The following LONP2 variants were observed in gnomAD, a reference collection of about 807,000 sequenced individuals.
LONP2 encodes lon protease homolog 2, peroxisomal.
Under a neutral mutation model 85.6 loss-of-function variants are expected in LONP2, and 60 were observed. The observed-to-expected ratio is 0.70, with a 90% CI of 0.57 to 0.87. LONP2 has a LOEUF of 0.87. LONP2 is among the 40% of genes least tolerant of loss of function. LONP2 has a pLI of 0.00. For missense variants in LONP2, 860 were observed against 1,063.5 expected, an observed-to-expected ratio of 0.81 and a Z score of 2.66; for synonymous variants, 395 against 389.7, an observed-to-expected ratio of 1.01 and a Z score of -0.16.
intron 8 of LONP2, among the ~76,000 whole-genome samples, chr16:48,290,833 C>A (rs887310223): frequency 6.6e-6 from 1 of 152,156 alleles, no homozygotes; most frequent in African/African-American, 2.4e-5. Context: ...ACTCTTAGCT[C>A]TTCTCCCCTC....
chr16:48,308,913 A>G (rs1276778928), intron 11 of LONP2, among the ~76,000 whole-genome samples: 1 of 152,190 alleles, frequency 6.6e-6, no homozygotes, highest in Non-Finnish European at 1.5e-5. Context: ...CAAAAGACCA[A>G]TACCCAGAAT....
intron 8 of LONP2, among the ~76,000 whole-genome samples, chr16:48,285,745 T>C (rs1315210065): frequency 6.6e-6 from 1 of 152,194 alleles, no homozygotes; most frequent in African/African-American, 2.4e-5. Flanking sequence ...TTCTCATACT[T>C]TCCTGTAATT....
intron 8 of LONP2, among the ~76,000 whole-genome samples, chr16:48,295,367 G>A (rs745884083): frequency 3.3e-5 from 5 of 152,106 alleles, no homozygotes; most frequent in Admixed American, 2.0e-4. Context: ...GTAAGACTCT[G>A]TCTCAAGAAA....
intron 8 of LONP2, among the ~76,000 whole-genome samples, chr16:48,280,823 A>G (rs1316212024): frequency 6.6e-6 from 1 of 152,238 alleles, no homozygotes; most frequent in Non-Finnish European, 1.5e-5. Context: ...ACAATTAAAT[A>G]ACAGTACATA....
chr16:48,343,957 CT>C (rs1959892460), intron 12 of LONP2: 1 of 152,196 alleles, frequency 6.6e-6, no homozygotes, highest in Admixed American at 6.5e-5. Context: ...ACATTCTAGA[CT>C]TCAAGTCTAG....
intron 11 of LONP2, among the ~76,000 whole-genome samples, chr16:48,320,909 A>G (rs1973249975): frequency 6.6e-6 from 1 of 152,224 alleles, no homozygotes; most frequent in South Asian, 2.1e-4. Context: ...TTATAAAGTC[A>G]TCATTCTGTT....
chr16:48,348,604 CCTGT>C (rs1344081105), intron 14 of LONP2, among the ~76,000 whole-genome samples: 1 of 150,944 alleles, frequency 6.6e-6, no homozygotes, highest in Non-Finnish European at 1.5e-5. Flanking sequence ...AAGCGATCCT[CCTGT>C]CTATCTCCCG....
At chr16:48,309,293 G>T (rs1273728192) in intron 11 of LONP2, among the ~76,000 whole-genome samples, 1 of 152,062 alleles carries the variant, frequency 6.6e-6, no homozygotes, top group South Asian at 2.1e-4. Flanking sequence ...CCCACTACTG[G>T]GTATATACCC....
intron 3 of LONP2, among the ~76,000 whole-genome samples, chr16:48,257,201 C>T (rs1184941598): frequency 6.6e-6 from 1 of 152,074 alleles, no homozygotes; most frequent in African/African-American, 2.4e-5. Flanking sequence ...ATCCCAGCTA[C>T]TCGAGAGGCT....
chr16:48,252,623 A>G (rs1971678801), intron 2 of LONP2, among the ~76,000 whole-genome samples: 2 of 152,234 alleles, frequency 1.3e-5, no homozygotes, highest in African/African-American at 2.4e-5. Flanking sequence ...TCTCTAAACT[A>G]GATAATTATT....
chr16:48,262,756 G>T (rs370139203), intron 5 of LONP2, 22 bp from the exon 6 acceptor site: 178 of 1,456,684 alleles, frequency 1.2e-4, no homozygotes, highest in South Asian at 1.1e-3. Context: ...GAACATGTTT[G>T]CTGTGTATTC....
At chr16:48,264,119 T>G (rs1971936537) in intron 6 of LONP2, among the ~76,000 whole-genome samples, 2 of 152,082 alleles carry the variant, frequency 1.3e-5, no homozygotes, top group African/African-American at 4.8e-5. Context: ...CGAGGCGAAA[T>G]TAAAATTGCT....
intron 11 of LONP2, among the ~76,000 whole-genome samples, chr16:48,319,372 ACT>A (rs1029089218): frequency 6.6e-6 from 1 of 151,162 alleles, no homozygotes; most frequent in Non-Finnish European, 1.5e-5. Context: ...ACAGAGCAAG[ACT>A]CTCTCAAAAA....
chr16:48,277,783 A>C (rs1298440155), intron 8 of LONP2, among the ~76,000 whole-genome samples: 1 of 151,952 alleles, frequency 6.6e-6, no homozygotes, highest in Non-Finnish European at 1.5e-5. Context: ...ACAGCAAGCA[A>C]GTCTCCTTCT....
rs1156512981 is a variant in LONP2, at chr16:48,296,037, A to G, written c.1406A>G (p.His469Arg). The G allele has an allele frequency of 6.2e-7, 1 of 1,614,200 alleles. No individual in the cohort carries two copies. Among genetic ancestry groups the G allele is most frequent in the Non-Finnish European group, 8.5e-7 (1 of 1,180,020 alleles). The change falls in exon 9 of 15, where the codon CAT becomes CGT. Residue 469 changes from histidine to arginine, a missense_variant. Physicochemically the swap from His to Arg is conservative, Grantham distance 29. Coordinates refer to ENST00000285737, the MANE Select transcript of LONP2 (RefSeq NM_031490.5). ...LLEVLDPEQN[H>R]NFTDHYLNVA... ...TAGGTGTTGGATCCTGAACAAAACC[A>G]TAACTTCACAGATCATTATCTAAAT...
At chr16:48,342,848 G>T (rs1435313863) in intron 12 of LONP2, among the ~76,000 whole-genome samples, 1 of 152,200 alleles carries the variant, frequency 6.6e-6, no homozygotes, top group Admixed American at 6.5e-5. Context: ...AAAGAAACCA[G>T]TTGATGGTGT....
chr16:48,351,328 G>A (rs1484331659), intron 14 of LONP2, among the ~76,000 whole-genome samples: 1 of 152,146 alleles, frequency 6.6e-6, no homozygotes, highest in South Asian at 2.1e-4. Context: ...ATTGACAGAA[G>A]AGGAACTCAT....
At chr16:48,334,690 T>C (rs1438071405) in intron 12 of LONP2, 1 of 569,892 alleles carries the variant, frequency 1.8e-6, no homozygotes, top group Non-Finnish European at 3.4e-6. Context: ...AGTCTAAGAG[T>C]GTGTGGCCAT....
chr16:48,326,608 G>C (rs2151019168), intron 11 of LONP2, among the ~76,000 whole-genome samples: 1 of 152,174 alleles, frequency 6.6e-6, no homozygotes, highest in South Asian at 2.1e-4. Flanking sequence ...AGGAATTGTG[G>C]GTGTTGCGCT....
Sources: allele counts gnomAD v4.1 joint callset (sites outside exome capture counted in the v4.1 genomes callset), GRCh38; gene constraint gnomAD v4.1.1; transcripts MANE v1.5; gene names NCBI Gene and HGNC (gene_info 2026-07-23, HGNC 2026-07-21).